The following TTN variants were observed in gnomAD, a reference collection of about 807,000 sequenced individuals.
TTN encodes connectin.
In TTN, 1,525 loss-of-function variants were observed where a neutral mutation model predicts 3,223.0. That is an observed-to-expected ratio of 0.47 (90% CI 0.45 to 0.49). TTN has a LOEUF of 0.49. TTN is among the 20% of genes least tolerant of loss of function. The pLI is 0.00. For missense variants in TTN, 40,786 were observed against 43,424.0 expected (o/e 0.94, Z 5.40); for synonymous variants, 14,094 against 15,161.0 (o/e 0.93, Z 5.17).
In TTN at chr2:178,677,693, C is replaced by T. The variant is rs773852390; in HGVS notation, c.34219G>A (p.Glu11407Lys). Residue 11407 changes from glutamate (E) to lysine (K), a missense_variant, in exon 146 of 363, where the codon GAG becomes AAG. By Grantham distance (56) the Glu-to-Lys change is moderately conservative. Coordinates refer to ENST00000589042, the MANE Select transcript of TTN (RefSeq NM_001267550.2). ...EVPPEEEYVP[E>K]EEEFVPEEEV... ...TCTTCAGGTACAAATTCTTCTTCCTCAGGTACATATTCTTCTTCGGGAGGA... is the reference window on the plus strand; with the variant it reads ...TCTTCAGGTACAAATTCTTCTTCCTTAGGTACATATTCTTCTTCGGGAGGA... 2.5e-6 allele frequency: 4 copies of T among 1,612,634 alleles called. No individual in the cohort carries two copies. The South Asian group carries it at 3.3e-5, about 13-fold the overall frequency.
chr2:178,531,249 CT>C lies in TTN; in HGVS notation c.105365del (p.Lys35122ArgfsTer11). 1 of 1,613,984 alleles carries C rather than the reference CT, an allele frequency of 6.2e-7. No homozygotes were observed. The highest frequency in any genetic ancestry group is 2.2e-5 in the East Asian group (1 of 44,886). ...KSLEEKSTTR[K>X]IKTTLAARIL... ...TTCTTGCTGCCAAAGTCGTCTTGAT[CT>C]TTCTGGTTGTGGATTTTTCTTCCAG... On this transcript the variant is annotated frameshift_variant, in exon 358 of 363. Transcript: ENST00000589042. LOFTEE classifies it high-confidence loss of function.
Position 178,565,168 on chromosome 2 carries a change from G to T in TTN, c.80964C>A (p.Asp26988Glu). Residue 26988 changes from aspartate (D) to glutamate (E), a missense_variant, in exon 326 of 363, where the codon GAC (aspartate) becomes GAA (glutamate). Asp to Glu is a conservative substitution (Grantham distance 45). Coordinates refer to ENST00000589042, the MANE Select transcript of TTN (RefSeq NM_001267550.2). The stretch of plus-strand genomic sequence containing the variant: ...GAGGTTCCCAAGATATGACTACAAA[G>T]TCTGCACTAACTTCATCAAACCGAA... ...GPVRFDEVSA[D>E]FVVISWEPPA... 6.2e-7 allele frequency: 1 copy of T among 1,613,442 alleles called. No homozygotes were observed.
intron 138 of TTN, 28 bp from the exon 139 acceptor site, chr2:178,680,359 T>C: frequency 6.3e-7 from 1 of 1,595,914 alleles, no homozygotes; most frequent in East Asian, 2.2e-5. Flanking sequence ...AAGGAAATTT[T>C]ATTGTCAGTA....
At position 178,605,409 on chromosome 2, in the gene TTN, C is replaced by T. The variant is rs753527304; in HGVS notation, c.53881+5G>A. The T allele has an allele frequency of 6.2e-5, 98 of 1,573,498 alleles. No homozygotes were observed. Among genetic ancestry groups the T allele is most frequent in the Admixed American group, 4.0e-4 (22 of 54,366 alleles). The stretch of plus-strand genomic sequence containing the variant: ...TAAAATTATTATTATATTCAGATTC[C>T]GCACCTTCATCATCTTGTATGACTA... On this transcript the variant is annotated splice_donor_5th_base_variant and intron_variant, in intron 279 of 362. Coordinates refer to ENST00000589042, the MANE Select transcript of TTN (RefSeq NM_001267550.2).
intron 147 of TTN, 74 bp from the exon 148 acceptor site, chr2:178,676,069 C>T: frequency 7.3e-7 from 1 of 1,370,208 alleles, no homozygotes; most frequent in South Asian, 1.3e-5. Flanking sequence ...GACCCCACAC[C>T]CAGAAAGACC....
chr2:178,758,830 C>T (rs928117069), intron 44 of TTN, 154 bp downstream of exon 44: 68 of 789,070 alleles, frequency 8.6e-5, no homozygotes, highest in South Asian at 3.2e-5. Context: ...AAAGGAGAGG[C>T]GAGACCATGG....
Position 178,642,275 on chromosome 2 carries a change from C to T in TTN, c.40520G>A (p.Arg13507His), listed in dbSNP as rs771858747. The T allele has an allele frequency of 3.8e-6, 6 of 1,596,182 alleles. No homozygotes were observed. The Admixed American group carries it at 6.9e-5, about 18-fold the overall frequency. Residue 13507 changes from arginine (R) to histidine (H), a missense_variant, in exon 219 of 363, where the codon CGT becomes CAT. Coordinates refer to ENST00000589042, the MANE Select transcript of TTN (RefSeq NM_001267550.2). ...AACTTCTTCCTTTGGTTCAGGTTTACGTTCCGGAAGTAATTTGCGAACTTT... is the reference window on the plus strand; with the variant it reads ...AACTTCTTCCTTTGGTTCAGGTTTATGTTCCGGAAGTAATTTGCGAACTTT... ...EKKVRKLLPE[R>H]KPEPKEEVVL...
Position 178,725,585 on chromosome 2 carries a change from T to C in TTN, c.20619A>G (p.Leu6873=), listed in dbSNP as rs2079201822. ...GCTGGGCGCCTTCTATGGATGCTTGTAATTCAGCAGGCTCTCCGGCTACAA... is the reference window on the plus strand; with the variant it reads ...GCTGGGCGCCTTCTATGGATGCTTGCAATTCAGCAGGCTCTCCGGCTACAA... ...LTVVAGEPAE[L]QASIEGAQPI... Residue 6873 remains leucine, a synonymous_variant, in exon 71 of 363, where the codon TTA becomes TTG. Coordinates refer to ENST00000589042, the MANE Select transcript of TTN (RefSeq NM_001267550.2). 1.2e-6 allele frequency: 2 copies of C among 1,612,052 alleles called. No homozygotes were observed. Among genetic ancestry groups the C allele is most frequent in the Middle Eastern group, 1.6e-4 (1 of 6,066 alleles).
At chr2:178,710,324 G>A (rs1384130265) in intron 98 of TTN, among the ~76,000 whole-genome samples, 2 of 152,142 alleles carry the variant, frequency 1.3e-5, no homozygotes, top group Admixed American at 1.3e-4. Flanking sequence ...GCAGGCGCCT[G>A]TAATCCCAGC....
In TTN at chr2:178,773,970, T is replaced by C. The variant is rs765593704; in HGVS notation, c.7198A>G (p.Arg2400Gly). Residue 2400 changes from arginine (R) to glycine (G), a missense_variant, in exon 31 of 363, where the codon AGG (arginine) becomes GGG (glycine). Physicochemically the swap from Arg to Gly is moderately radical, Grantham distance 125. Transcript: ENST00000589042. ...TGTTTGTCTATCACAATGTGAACCC[T>C]GTCACTGGGCTGCACTTCTTGGCCG... ...KDGQEVQPSD[R>G]VHIVIDKQSH... is the part of the protein sequence containing the mutation. The C allele has an allele frequency of 1.2e-6, 2 of 1,614,102 alleles. No homozygotes were observed. The highest frequency in any genetic ancestry group is 1.7e-5 in the Admixed American group (1 of 60,006).
intron 88 of TTN, among the ~76,000 whole-genome samples, chr2:178,716,437 G>T (rs1299225988): frequency 1.3e-5 from 2 of 152,178 alleles, no homozygotes; most frequent in East Asian, 3.9e-4. Flanking sequence ...TTAATTTCAA[G>T]ATATTTATAA....
rs748359406 is a variant in TTN, at chr2:178,543,277, G to T, written c.96696C>A (p.Ser32232Arg). 1 of 1,613,814 alleles carries T rather than the reference G, an allele frequency of 6.2e-7. No individual in the cohort carries two copies. ...CCTCGAGAACATATCCAGTGAGTCG[G>T]CTACCACCATCGTAGAGTGGTTTTT... ...AWEKPLYDGGSRLTGYVLEAC... is the reference protein window; with the variant it reads ...AWEKPLYDGGRRLTGYVLEAC... Residue 32232 changes from serine to arginine, a missense_variant, in exon 347 of 363, where the codon AGC (serine) becomes AGA (arginine). Physicochemically the swap from Ser to Arg is moderately radical, Grantham distance 110. Coordinates refer to ENST00000589042, the MANE Select transcript of TTN (RefSeq NM_001267550.2).
chr2:178,604,309 G>T lies in TTN; in HGVS notation c.54382-4C>A. The T allele has an allele frequency of 7.0e-7, 1 of 1,435,512 alleles. No individual in the cohort carries two copies. Among genetic ancestry groups the T allele is most frequent in the Non-Finnish European group, 9.2e-7 (1 of 1,090,940 alleles). The allele number at this position is 1,435,512 out of a possible 1,614,324, so 88.9% of individuals were successfully genotyped here. A position where few individuals can be genotyped will look rare whatever the true frequency, so the allele number is the denominator to read the frequency against. On this transcript the variant is annotated splice_region_variant and splice_polypyrimidine_tract_variant and intron_variant, in intron 281 of 362. Coordinates refer to ENST00000589042, the MANE Select transcript of TTN (RefSeq NM_001267550.2). ...CATTGGGGATAAGTTTCCAGATCTA[G>T]AAATTAGAAAAACAGAAATTTATTG...
rs551063889 is a variant in TTN at position 178,529,214 on chromosome 2, T to G, written c.106537A>C (p.Lys35513Gln). 3.7e-5 allele frequency: 55 copies of G among 1,467,362 alleles called. No individual in the cohort carries two copies. In the Admixed American group the frequency reaches 1.5e-3, roughly 39 times the overall value. The allele number at this position is 1,467,362 out of a possible 1,614,324, so 90.9% of individuals were successfully genotyped here. A position where few individuals can be genotyped will look rare whatever the true frequency, so the allele number is the denominator to read the frequency against. Residue 35513 changes from lysine to glutamine, a missense_variant, in exon 360 of 363, where the codon AAA becomes CAA. Transcript: ENST00000589042. ...GAGACTTTCTGTGCCTCAGTATCTT[T>G]TATAGCTAAAAAAGAAACCTCTGTA... Reference protein sequence around the residue: ...SSCKLTIKAIKDTEAQKVSTQ... With the variant: ...SSCKLTIKAIQDTEAQKVSTQ...
Position 178,632,520 on chromosome 2 carries a change from A to T in TTN, c.43480+6T>A. 1 of 1,611,708 alleles carries T rather than the reference A, an allele frequency of 6.2e-7. No individual in the cohort carries two copies. Among genetic ancestry groups the T allele is most frequent in the Non-Finnish European group, 8.5e-7 (1 of 1,179,232 alleles). ...TTGGGGTGGACTATTTGATAAAACTATTTACCTTCAATGATCAGTTTGCCA... is the reference window on the plus strand; with the variant it reads ...TTGGGGTGGACTATTTGATAAAACTTTTTACCTTCAATGATCAGTTTGCCA... On this transcript the variant is annotated splice_donor_region_variant and intron_variant, in intron 235 of 362. Transcript: ENST00000589042.
Position 178,575,579 on chromosome 2 carries a change from C to G in TTN, c.70553G>C (p.Gly23518Ala). 1 of 1,613,656 alleles carries G rather than the reference C, an allele frequency of 6.2e-7. No individual in the cohort carries two copies. Among genetic ancestry groups the G allele is most frequent in the Non-Finnish European group, 8.5e-7 (1 of 1,179,650 alleles). Reference sequence around the variant, plus strand: ...GGGCTCTGTAGTTTCTGTTGGCTCACCAATTCCATATTCATTCTCTGCCAT... The same window carrying G: ...GGGCTCTGTAGTTTCTGTTGGCTCAGCAATTCCATATTCATTCTCTGCCAT... ...RVMAENEYGI[G>A]EPTETTEPVK... Residue 23518 changes from glycine (G) to alanine (A), a missense_variant, in exon 326 of 363, where the codon GGT becomes GCT. By Grantham distance (60) the Gly-to-Ala change is moderately conservative (BLOSUM62 0). Transcript: ENST00000589042. This position sits in a 1 kb window ranked among gnomAD's most constrained non-coding sequence, Gnocchi z 4.0.
chr2:178,571,933 T>C lies in TTN; in HGVS notation c.74199A>G (p.Leu24733=), dbSNP rs1260509578. Residue 24733 remains leucine (L), a synonymous_variant, in exon 326 of 363, where the codon CTA becomes CTG. Transcript: ENST00000589042. ...NTFTVLAGED[L]KVDVPFIGRP... is the part of the protein sequence containing the mutation. ...GGCCAATGAATGGAACATCAACTTTTAGGTCTTCACCTGCCAGTACAGTGA... is the reference window on the plus strand; with the variant it reads ...GGCCAATGAATGGAACATCAACTTTCAGGTCTTCACCTGCCAGTACAGTGA... The C allele has an allele frequency of 9.9e-6, 16 of 1,613,162 alleles. No homozygotes were observed. The Admixed American group carries it at 2.7e-4, about 27-fold the overall frequency.
rs748645732 is a variant in TTN, at chr2:178,702,589, C to T, written c.30298G>A (p.Glu10100Lys). ...SEHQSATFEC[E>K]VSFDDAIVTW... ...ACAATGGCATCATCAAAGGACACTT[C>T]ACACTCAAAGGTGGCAGACTGATGC... The change falls in exon 107 of 363, where the codon GAA becomes AAA. Residue 10100 changes from glutamate (E) to lysine (K), a missense_variant. By Grantham distance (56) the Glu-to-Lys change is moderately conservative. Transcript: ENST00000589042. The T allele has an allele frequency of 6.2e-7, 1 of 1,613,960 alleles. No homozygotes were observed. Among genetic ancestry groups the T allele is most frequent in the Non-Finnish European group, 8.5e-7 (1 of 1,179,856 alleles).
Position 178,598,877 on chromosome 2 carries a change from C to T in TTN, c.56833G>A (p.Gly18945Ser). Residue 18945 changes from glycine (G) to serine (S), a missense_variant, in exon 291 of 363, where the codon GGT (glycine) becomes AGT (serine). Transcript: ENST00000589042. ...NRDPIKAMTL[G>S]VSYKVTGLIE... ...AGACCAGTCACTTTATAAGAAACACCCAAAGTCATGGCTTTGATAGGATCT... is the reference window on the plus strand; with the variant it reads ...AGACCAGTCACTTTATAAGAAACACTCAAAGTCATGGCTTTGATAGGATCT... The T allele has an allele frequency of 6.2e-7, 1 of 1,613,126 alleles. No individual in the cohort carries two copies. Among genetic ancestry groups the T allele is most frequent in the South Asian group, 1.1e-5 (1 of 91,038 alleles).
Sources: gnomAD v4.1 joint callset for allele counts (sites outside exome capture counted in the v4.1 genomes callset) on GRCh38, gnomAD v4.1.1 for gene constraint, Gnocchi (gnomAD v3.1) non-coding constraint, MANE v1.5 for transcripts, NCBI Gene and HGNC (gene_info 2026-07-23, HGNC 2026-07-21) for gene names.